Variants in CWF19L2 observed in about 807,000 individuals in gnomAD.
CWF19L2 encodes CWF19 like cell cycle control factor 2, also known as CWF19-like protein 2.
A neutral mutation model predicts 111.7 loss-of-function variants in CWF19L2; 98 were observed. The observed-to-expected ratio is 0.88, with a 90% CI of 0.75 to 1.04. The LOEUF is 1.04. Ranked by LOEUF, CWF19L2 falls within the 50% of genes least tolerant of loss-of-function variation. CWF19L2 has a pLI of 0.00. For missense variants in CWF19L2, 1,101 were observed against 1,051.4 expected (o/e 1.05, Z -0.65); for synonymous variants, 351 against 342.9 (o/e 1.02, Z -0.26).
chr11:107,392,753 T>A, intron 11 of CWF19L2, 26 bp downstream of exon 11: 1 of 1,339,974 alleles, frequency 7.5e-7, no homozygotes, highest in Non-Finnish European at 1.0e-6. Context: ...TCTGAATTAA[T>A]AAACAAAGAC....
chr11:107,341,036 C>T (rs570662861), intron 14 of CWF19L2, among the ~76,000 whole-genome samples: 17 of 152,210 alleles, frequency 1.1e-4, no homozygotes, highest in African/African-American at 3.6e-4. Flanking sequence ...TTGAGTCATC[C>T]GACATACACC....
chr11:107,422,241 C>A (rs1861312433), intron 8 of CWF19L2, among the ~76,000 whole-genome samples: 1 of 151,972 alleles, frequency 6.6e-6, no homozygotes, highest in Non-Finnish European at 1.5e-5. Context: ...AAACGTCAAT[C>A]AAAAATGCAG....
chr11:107,378,313 C>T (rs200075742), intron 12 of CWF19L2, among the ~76,000 whole-genome samples: 34,939 of 149,416 alleles, frequency 0.23, 4,295 homozygotes, highest in Non-Finnish European at 0.29. Flanking sequence ...AAGACACATG[C>T]ACACGTATGT....
intron 1 of CWF19L2, 77 bp downstream of exon 1, chr11:107,457,635 G>T: frequency 9.7e-7 from 1 of 1,025,840 alleles, no homozygotes; most frequent in Non-Finnish European, 1.5e-6. Context: ...GTAAGGGAAG[G>T]GGTGAGTGGG....
At chr11:107,408,725 C>T (rs1861116214) in intron 10 of CWF19L2, among the ~76,000 whole-genome samples, 1 of 151,798 alleles carries the variant, frequency 6.6e-6, no homozygotes. Context: ...CATCCATTGA[C>T]CTTTTTTACT....
intron 10 of CWF19L2, among the ~76,000 whole-genome samples, chr11:107,402,077 C>G (rs1294748211): frequency 6.6e-6 from 1 of 152,100 alleles, no homozygotes; most frequent in Non-Finnish European, 1.5e-5. Context: ...ATACAAAAAT[C>G]AACTCAAGAT....
intron 13 of CWF19L2, 105 bp downstream of exon 13, chr11:107,353,419 T>C: frequency 1.2e-6 from 1 of 864,748 alleles, no homozygotes; most frequent in South Asian, 1.7e-5. Flanking sequence ...AAAGACCCAA[T>C]AAACAAGTAA....
chr11:107,426,357 G>A (rs1462132519), intron 8 of CWF19L2, among the ~76,000 whole-genome samples: 1 of 151,860 alleles, frequency 6.6e-6, no homozygotes, highest in East Asian at 1.9e-4. Context: ...CAAGAAGTAG[G>A]AGAAAAGTCA....
intron 12 of CWF19L2, among the ~76,000 whole-genome samples, chr11:107,378,853 AAG>A (rs1329305087): frequency 1.1e-5 from 1 of 89,610 alleles, no homozygotes; most frequent in Non-Finnish European, 2.9e-5. Flanking sequence ...AACAAAAAAA[AAG>A]AAAGATAGCA....
At chr11:107,399,414 G>T (rs1031112958) in intron 10 of CWF19L2, among the ~76,000 whole-genome samples, 14 of 152,320 alleles carry the variant, frequency 9.2e-5, no homozygotes, top group Admixed American at 3.3e-4. Context: ...AAGTGAGGAG[G>T]AGTAGCTATT....
chr11:107,327,137 T>C (rs533992006), intron 17 of CWF19L2, 84 bp from the exon 18 acceptor site: 4 of 1,293,106 alleles, frequency 3.1e-6, no homozygotes, highest in African/African-American at 3.0e-5. Flanking sequence ...TATTCTGCTA[T>C]AAAATATAAC....
At chr11:107,418,343 AACATCAAG>A in intron 8 of CWF19L2, 56 bp from the exon 9 acceptor site, 1 of 1,087,084 alleles carries the variant, frequency 9.2e-7, no homozygotes, top group Non-Finnish European at 1.4e-6. Context: ...TGCAAGCAAT[AACATCAAG>A]ACTCAAATGT....
chr11:107,337,982 T>C (rs559120353), intron 14 of CWF19L2, among the ~76,000 whole-genome samples: 25 of 152,320 alleles, frequency 1.6e-4, no homozygotes, highest in African/African-American at 5.5e-4. Flanking sequence ...AACCAGGATA[T>C]TGACATTGAT....
At chr11:107,340,574 A>C (rs953848469) in intron 14 of CWF19L2, among the ~76,000 whole-genome samples, 5 of 152,192 alleles carry the variant, frequency 3.3e-5, no homozygotes, top group Non-Finnish European at 7.3e-5. Context: ...TAGATATGTA[A>C]TAATCTTGCT....
At chr11:107,338,453 G>A (rs577276620) in intron 14 of CWF19L2, among the ~76,000 whole-genome samples, 23 of 152,046 alleles carry the variant, frequency 1.5e-4, no homozygotes, top group Admixed American at 1.2e-3. Flanking sequence ...GGATGTGCAT[G>A]TTTGTTACAT....
Position 107,398,714 on chromosome 11 carries a change from T to C in CWF19L2, c.1618-5819A>G, listed in dbSNP as rs1200739662. ...GGGAAATTCATCACAAAAACATCTTTGCCTAGGCACACTGTCATCAGGTTA... is the reference window on the plus strand; with the variant it reads ...GGGAAATTCATCACAAAAACATCTTCGCCTAGGCACACTGTCATCAGGTTA... On this transcript the variant is annotated intron_variant, in intron 10 of 17. Coordinates refer to ENST00000282251, the MANE Select transcript of CWF19L2 (RefSeq NM_152434.3). Among the ~76,000 whole-genome samples the C allele has an allele frequency of 2.6e-5, 4 of 152,160 alleles. No individual in the cohort carries two copies. The East Asian group carries it at 7.7e-4, about 29-fold the overall frequency.
At chr11:107,403,025 T>A (rs1464163305) in intron 10 of CWF19L2, among the ~76,000 whole-genome samples, 1 of 151,154 alleles carries the variant, frequency 6.6e-6, no homozygotes, top group Non-Finnish European at 1.5e-5. Flanking sequence ...CATCATATAT[T>A]TTCACTGATA....
rs919833321 is a variant in CWF19L2, at chr11:107,365,625, C to T, written c.1873-11889G>A. ...AAAAGCCTTTGACAAAATTCAACAA[C>T]GCTTCATGCTAAAAACTCTCAATAA... On this transcript the variant is annotated intron_variant, in intron 12 of 17. Transcript: ENST00000282251. Among the ~76,000 whole-genome samples, 10 of 98,506 alleles carry T rather than the reference C, an allele frequency of 1.0e-4. 1 individual carries two copies. Among genetic ancestry groups the T allele is most frequent in the Admixed American group, 3.0e-4 (3 of 9,916 alleles). 64.6% of individuals were successfully genotyped at this position (98,506 alleles called of 152,430 possible). A position where few individuals can be genotyped will look rare whatever the true frequency, so the allele number is the denominator to read the frequency against.
chr11:107,400,653 C>T (rs1324276335), intron 10 of CWF19L2, among the ~76,000 whole-genome samples: 3 of 152,080 alleles, frequency 2.0e-5, no homozygotes, highest in Admixed American at 2.0e-4. Context: ...AGAATTGGTA[C>T]CAATCCTTTT....
Sources: gnomAD v4.1 joint callset for allele counts (sites outside exome capture counted in the v4.1 genomes callset) on GRCh38, gnomAD v4.1.1 for gene constraint, MANE v1.5 for transcripts, NCBI Gene and HGNC (gene_info 2026-07-23, HGNC 2026-07-21) for gene names.